Variants in FIGNL2 observed in about 807,000 individuals in gnomAD.
The protein encoded by FIGNL2 is fidgetin-like protein 2.
For missense variants in FIGNL2, 1,060 were observed against 950.2 expected, an observed-to-expected ratio of 1.12 and a Z score of -1.52; for synonymous variants, 565 against 484.0, an observed-to-expected ratio of 1.17 and a Z score of -2.20.
intron 1 of FIGNL2, among the ~76,000 whole-genome samples, chr12:51,830,496 T>G (rs1277391533): frequency 8.1e-5 from 12 of 148,728 alleles, no homozygotes; most frequent in Admixed American, 8.0e-4. Context: ...TTGAGTTGTT[T>G]TTTTTTTTTT....
chr12:51,821,372 A>G lies in FIGNL2; in HGVS notation c.1042T>C (p.Phe348Leu). The part of the protein sequence containing the change: ...YGPQLEPFEK[F>L]PERAPAPRGG... Reference sequence around the variant, plus strand: ...CGAGGAGCCGGGGCCCGCTCCGGGAACTTTTCAAAGGGCTCCAGTTGCGGG... The same window carrying G: ...CGAGGAGCCGGGGCCCGCTCCGGGAGCTTTTCAAAGGGCTCCAGTTGCGGG... Residue 348 changes from phenylalanine to leucine, a missense_variant, in exon 2 of 2, where the codon TTC becomes CTC. Phe to Leu is a conservative substitution (Grantham distance 22). Transcript: ENST00000618634. 1 of 1,506,954 alleles carries G rather than the reference A, an allele frequency of 6.6e-7. No homozygotes were observed. 93.3% of individuals were successfully genotyped at this position (1,506,954 alleles called of 1,614,324 possible).
intron 1 of FIGNL2, chr12:51,838,107 G>C (rs1421596612): frequency 1.3e-5 from 2 of 152,334 alleles, no homozygotes; most frequent in African/African-American, 4.8e-5. Context: ...TTTGGGGCTG[G>C]GAATTGCCCA....
intron 1 of FIGNL2, 87 bp downstream of exon 1, chr12:51,848,453 G>A (rs1024755334): frequency 2.0e-6 from 2 of 981,416 alleles, no homozygotes; most frequent in Non-Finnish European, 2.4e-6. Context: ...GCCCTCTCCG[G>A]CCCCGGGCCG....
intron 1 of FIGNL2, among the ~76,000 whole-genome samples, chr12:51,846,024 G>T (rs544924964): frequency 6.6e-6 from 1 of 152,210 alleles, no homozygotes; most frequent in Non-Finnish European, 1.5e-5. Context: ...CCACCCAAGA[G>T]CACAGAGCTG....
intron 1 of FIGNL2, chr12:51,848,209 C>T (rs368946982): frequency 2.0e-6 from 2 of 985,084 alleles, no homozygotes; most frequent in South Asian, 9.4e-5. Context: ...GCTCCCCACC[C>T]CCAGGCCAGC....
rs557040837 is a variant in FIGNL2, at chr12:51,848,125, G to A, written c.-12+415C>T. 7 of 985,220 alleles carry A rather than the reference G, an allele frequency of 7.1e-6. No homozygotes were observed. In the South Asian group the frequency reaches 1.9e-4, roughly 26 times the overall value. 61.0% of individuals were successfully genotyped at this position (985,220 alleles called of 1,614,324 possible). On this transcript the variant is annotated intron_variant, in intron 1 of 1. Transcript: ENST00000618634. ...GGCCGCTGGACAAAGACCTGACGGA[G>A]TGGGAGGGGCCTGCGGGCCGGCCCT... is the stretch of plus-strand genomic sequence containing the variant.
chr12:51,831,215 AAAG>A (rs1472454250), intron 1 of FIGNL2, among the ~76,000 whole-genome samples: 1 of 152,208 alleles, frequency 6.6e-6, no homozygotes, highest in Non-Finnish European at 1.5e-5. Flanking sequence ...AAAAAGAAAA[AAAG>A]AGGAAAAGAA....
intron 1 of FIGNL2, among the ~76,000 whole-genome samples, chr12:51,834,689 C>A (rs1010370761): frequency 2.0e-5 from 3 of 152,212 alleles, no homozygotes; most frequent in African/African-American, 7.2e-5. Flanking sequence ...CGTGCACACG[C>A]TGACGGGAGG....
intron 1 of FIGNL2, among the ~76,000 whole-genome samples, chr12:51,832,759 G>T (rs376042839): frequency 2.0e-5 from 3 of 152,052 alleles, no homozygotes; most frequent in Non-Finnish European, 4.4e-5. Context: ...CCTGCACTCC[G>T]CACTTTATTC....
chr12:51,821,477 G>A lies in FIGNL2; in HGVS notation c.937C>T (p.Pro313Ser). Residue 313 changes from proline (P) to serine (S), a missense_variant, in exon 2 of 2, where the codon CCG (proline) becomes TCG (serine). Coordinates refer to ENST00000618634, the MANE Select transcript of FIGNL2 (RefSeq NM_001384995.1). ...GACGCCTCCTCCGCGGCTCCTGGCGGCTTGGCCCGGAACCCGTTGCCCCGA... is the reference window on the plus strand; with the variant it reads ...GACGCCTCCTCCGCGGCTCCTGGCGACTTGGCCCGGAACCCGTTGCCCCGA... The part of the protein sequence containing the change: ...ECRGNGFRAK[P>S]PGAAEEASGK... The A allele has an allele frequency of 6.5e-7, 1 of 1,549,360 alleles. No individual in the cohort carries two copies. The highest frequency in any genetic ancestry group is 1.4e-5 in the African/African-American group (1 of 71,838).
At chr12:51,826,810 T>A (rs1387566427) in intron 1 of FIGNL2, among the ~76,000 whole-genome samples, 1 of 152,102 alleles carries the variant, frequency 6.6e-6, no homozygotes, top group African/African-American at 2.4e-5. Context: ...GGTAGAAGTT[T>A]GAGAAGAGTG....
Position 51,820,907 on chromosome 12 carries a change from C to T in FIGNL2, c.1507G>A (p.Gly503Ser). The stretch of plus-strand genomic sequence containing the variant: ...TGCAGCGCGCCCCCTGCCGCCGCGC[C>T]GTCGTCCCGGGCGGGGAGCAGCGCC... ...LEALLPARDD[G>S]AAAGGALQVP... The change falls in exon 2 of 2, where the codon GGC becomes AGC. Residue 503 changes from glycine (G) to serine (S), a missense_variant. Transcript: ENST00000618634. 7.5e-7 allele frequency: 1 copy of T among 1,334,102 alleles called. No homozygotes were observed. The highest frequency in any genetic ancestry group is 9.5e-7 in the Non-Finnish European group (1 of 1,050,386). 82.6% of individuals were successfully genotyped at this position (1,334,102 alleles called of 1,614,324 possible). A position where few individuals can be genotyped will look rare whatever the true frequency, so the allele number is the denominator to read the frequency against.
At chr12:51,847,488 T>G (rs1048758571) in intron 1 of FIGNL2, 2 of 985,330 alleles carry the variant, frequency 2.0e-6, no homozygotes, top group African/African-American at 3.5e-5. Flanking sequence ...AAATTAGGTA[T>G]CCATGGAGAC....
intron 1 of FIGNL2, among the ~76,000 whole-genome samples, chr12:51,827,866 T>A (rs1939376504): frequency 6.6e-6 from 1 of 152,202 alleles, no homozygotes; most frequent in South Asian, 2.1e-4. Flanking sequence ...CTGAGATCAA[T>A]ACTGTTATTG....
chr12:51,824,043 T>A (rs1315048271), intron 1 of FIGNL2: 1 of 152,084 alleles, frequency 6.6e-6, no homozygotes, highest in Non-Finnish European at 1.5e-5. Flanking sequence ...CCTTCAAAGG[T>A]GCAGGGCACA....
chr12:51,834,117 A>ATGGATGGT (rs1565946405), intron 1 of FIGNL2, among the ~76,000 whole-genome samples: 1 of 145,680 alleles, frequency 6.9e-6, no homozygotes, highest in African/African-American at 2.6e-5. Flanking sequence ...GGTTGGATGG[A>ATGGATGGT]TGGATGGATG....
intron 1 of FIGNL2, 50 bp from the exon 2 acceptor site, chr12:51,822,474 A>G (rs1344716900): frequency 1.3e-6 from 2 of 1,598,918 alleles, no homozygotes; most frequent in African/African-American, 1.3e-5. Context: ...CCGAGGACCC[A>G]GTGGGCCACT....
chr12:51,830,220 C>T (rs887232858), intron 1 of FIGNL2, among the ~76,000 whole-genome samples: 2 of 150,486 alleles, frequency 1.3e-5, no homozygotes, highest in South Asian at 2.1e-4. Context: ...ACCTGGAAGG[C>T]GGAGGTTGCA....
intron 1 of FIGNL2, chr12:51,823,553 C>G (rs994437999): frequency 6.6e-6 from 1 of 152,184 alleles, no homozygotes; most frequent in South Asian, 2.1e-4. Context: ...CACCTCCCAG[C>G]GTGAGCCAAA....
Sources: allele counts gnomAD v4.1 joint callset (sites outside exome capture counted in the v4.1 genomes callset), GRCh38; gene constraint gnomAD v4.1.1; transcripts MANE v1.5; gene names NCBI Gene and HGNC (gene_info 2026-07-23, HGNC 2026-07-21).